The following SPATA6 variants were observed in gnomAD, a reference collection of about 807,000 sequenced individuals.
The protein encoded by SPATA6 is spermatogenesis associated 6, also known as spermatogenesis-associated protein 6.
In SPATA6, 56 loss-of-function variants were observed where a neutral mutation model predicts 65.3. That is an observed-to-expected ratio of 0.86 (90% CI 0.69 to 1.07). The LOEUF (loss-of-function observed/expected upper bound fraction) is 1.07. Among genes scored for constraint, SPATA6 ranks in the 50% least tolerant of loss-of-function variants. The pLI is 0.00. For missense variants in SPATA6, 590 were observed against 594.8 expected (o/e 0.99, Z 0.08); for synonymous variants, 199 against 213.2 (o/e 0.93, Z 0.58).
chr1:48,362,723 A>G (rs1646852656), intron 9 of SPATA6, among the ~76,000 whole-genome samples: 1 of 152,182 alleles, frequency 6.6e-6, no homozygotes, highest in Non-Finnish European at 1.5e-5. Context: ...CTGAGGAGGT[A>G]GAATCGAAAT....
intron 1 of SPATA6, among the ~76,000 whole-genome samples, chr1:48,468,097 G>A (rs1232329415): frequency 6.6e-6 from 1 of 152,174 alleles, no homozygotes; most frequent in Non-Finnish European, 1.5e-5. Context: ...ATATGGAAGA[G>A]ATCTGCACTC....
intron 3 of SPATA6, among the ~76,000 whole-genome samples, chr1:48,421,106 G>A: frequency 6.6e-6 from 1 of 152,102 alleles, no homozygotes; most frequent in East Asian, 1.9e-4. Context: ...AGATAGGATG[G>A]ACTAATGCTG....
At chr1:48,428,393 C>T (rs1026797079) in intron 3 of SPATA6, among the ~76,000 whole-genome samples, 4 of 152,102 alleles carry the variant, frequency 2.6e-5, no homozygotes, top group Non-Finnish European at 5.9e-5. Context: ...GTGGATGTTG[C>T]GGTGAGCTGA....
In SPATA6 at chr1:48,310,583, T is replaced by C. The variant is rs142340041; in HGVS notation, c.1195-4705A>G. ...CAAGGAGTTTTTTACTCTCATGCTG[T>C]ATTTGTCAGGATTCTCTAGAGAAAA... is the stretch of plus-strand genomic sequence containing the variant. On this transcript the variant is annotated intron_variant, in intron 11 of 12. Transcript: ENST00000371847. Among the ~76,000 whole-genome samples the C allele has an allele frequency of 1.4e-3, 219 of 152,298 alleles. 1 individual carries two copies. The highest frequency in any genetic ancestry group is 5.1e-3 in the African/African-American group (214 of 41,570).
chr1:48,457,553 G>A (rs1189899581), intron 1 of SPATA6, among the ~76,000 whole-genome samples: 2 of 152,204 alleles, frequency 1.3e-5, no homozygotes, highest in African/African-American at 4.8e-5. Context: ...ATTAACGGCT[G>A]ATTTCTCATC....
chr1:48,393,453 G>C lies in SPATA6; in HGVS notation c.868+1814C>G, dbSNP rs944044200. ...GACTAAGGAACTAATCCATATTAAAGAAAACAAAAGAGGCATGGCAGCTGA... is the reference window on the plus strand; with the variant it reads ...GACTAAGGAACTAATCCATATTAAACAAAACAAAAGAGGCATGGCAGCTGA... On this transcript the variant is annotated intron_variant, in intron 8 of 12. Coordinates refer to ENST00000371847, the MANE Select transcript of SPATA6 (RefSeq NM_019073.4). Among the ~76,000 whole-genome samples, 28 of 152,054 alleles carry C rather than the reference G, an allele frequency of 1.8e-4. 1 individual carries two copies. The highest frequency in any genetic ancestry group is 6.0e-4 in the African/African-American group (25 of 41,394).
chr1:48,313,885 G>A (rs1219032152), intron 11 of SPATA6, among the ~76,000 whole-genome samples: 1 of 152,136 alleles, frequency 6.6e-6, no homozygotes, highest in East Asian at 1.9e-4. Flanking sequence ...GGCAGGGGTT[G>A]CAATCCCAGT....
At chr1:48,304,515 T>C (rs1230485382) in intron 12 of SPATA6, among the ~76,000 whole-genome samples, 1 of 152,182 alleles carries the variant, frequency 6.6e-6, no homozygotes. Context: ...TATTTTATTG[T>C]ATTTATTTTG....
At chr1:48,344,574 A>C (rs1646310290) in intron 11 of SPATA6, among the ~76,000 whole-genome samples, 1 of 152,178 alleles carries the variant, frequency 6.6e-6, no homozygotes, top group Non-Finnish European at 1.5e-5. Flanking sequence ...CGATTAAAAG[A>C]CAGATAGGCA....
chr1:48,368,605 C>A (rs1275776984), intron 9 of SPATA6, among the ~76,000 whole-genome samples: 1 of 152,212 alleles, frequency 6.6e-6, no homozygotes, highest in Non-Finnish European at 1.5e-5. Flanking sequence ...GAGGCTTCTG[C>A]ATTCTTCACG....
rs547888324 is a variant in SPATA6 at position 48,364,368 on chromosome 1, A to T, written c.910-4598T>A. Among the ~76,000 whole-genome samples, 5 of 152,326 alleles carry T rather than the reference A, an allele frequency of 3.3e-5. No individual in the cohort carries two copies. In the South Asian group the frequency reaches 8.3e-4, roughly 25 times the overall value. On this transcript the variant is annotated intron_variant, in intron 9 of 12. Transcript: ENST00000371847. ...TACTTCTAGTTCTAGATCCCTGAGG[A>T]ATCGCCACACTGACTTCCACAATGG...
At chr1:48,263,789 G>A in the SPATA6 span, among the ~76,000 whole-genome samples, 2 of 152,240 alleles carry the variant, frequency 1.3e-5, no homozygotes, top group East Asian at 3.9e-4. Context: ...AAACTACGTT[G>A]AAAGTTCTGT....
rs1645049786 is a variant in SPATA6 at position 48,305,895 on chromosome 1, A to C, written c.1195-17T>G. Reference sequence around the variant, plus strand: ...TCTCTCATCCTGAAAAATTTTAAAGATTTCCATTAACTCACTGTCTCATTG... The same window carrying C: ...TCTCTCATCCTGAAAAATTTTAAAGCTTTCCATTAACTCACTGTCTCATTG... On this transcript the variant is annotated splice_polypyrimidine_tract_variant and intron_variant, in intron 11 of 12. Transcript: ENST00000371847. 3.8e-6 allele frequency: 6 copies of C among 1,593,632 alleles called. No individual in the cohort carries two copies. Among genetic ancestry groups the C allele is most frequent in the Non-Finnish European group, 4.3e-6 (5 of 1,163,662 alleles).
intron 11 of SPATA6, among the ~76,000 whole-genome samples, chr1:48,345,866 C>A (rs1006658832): frequency 6.6e-6 from 1 of 151,802 alleles, no homozygotes; most frequent in Admixed American, 6.6e-5. Context: ...CTAACAACAA[C>A]AAAAAACCTC....
chr1:48,422,748 T>G (rs1653464492), intron 3 of SPATA6, among the ~76,000 whole-genome samples: 1 of 152,190 alleles, frequency 6.6e-6, no homozygotes, highest in African/African-American at 2.4e-5. Flanking sequence ...TGCCACATAT[T>G]CAAAATTAAC....
intron 9 of SPATA6, among the ~76,000 whole-genome samples, chr1:48,382,625 G>T (rs1648824086): frequency 4.0e-5 from 2 of 50,394 alleles, no homozygotes; most frequent in Admixed American, 1.6e-4. Context: ...GGGGCGGCTG[G>T]CCGACCCCCC....
chr1:48,317,470 T>C (rs1172987073), intron 11 of SPATA6, among the ~76,000 whole-genome samples: 1 of 150,226 alleles, frequency 6.7e-6, no homozygotes, highest in African/African-American at 2.5e-5. Context: ...AGGTGGGAAC[T>C]GAACAATGAG....
At chr1:48,453,400 C>T (rs942507534) in intron 1 of SPATA6, among the ~76,000 whole-genome samples, 1 of 152,214 alleles carries the variant, frequency 6.6e-6, no homozygotes, top group Non-Finnish European at 1.5e-5. Flanking sequence ...GGGACAGACA[C>T]TAATAGTTTT....
intron 11 of SPATA6, among the ~76,000 whole-genome samples, chr1:48,341,939 TAAGGAGG>T: frequency 6.6e-6 from 1 of 152,206 alleles, no homozygotes; most frequent in East Asian, 1.9e-4. Flanking sequence ...CCCCTAAAGA[TAAGGAGG>T]ACTACTGTGT....
Sources: gnomAD v4.1 joint callset for allele counts (sites outside exome capture counted in the v4.1 genomes callset) on GRCh38, gnomAD v4.1.1 for gene constraint, MANE v1.5 for transcripts, NCBI Gene and HGNC (gene_info 2026-07-23, HGNC 2026-07-21) for gene names.